The following WIPF1 variants were observed in gnomAD, a reference collection of about 807,000 sequenced individuals.
WIPF1 encodes WAS/WASL interacting protein family member 1.
WIPF1 carries 13 observed loss-of-function variants against 35.4 expected under a neutral mutation model. The ratio of observed to expected loss-of-function variants is 0.37; its 90% CI spans 0.24 to 0.58. The LOEUF is 0.58. Among genes scored for constraint, WIPF1 ranks in the 20% least tolerant of loss-of-function variants. WIPF1 has a pLI of 0.74. For synonymous variants in WIPF1, 267 were observed against 266.3 expected (o/e 1.00, Z -0.02); for missense variants, 591 against 667.0 (o/e 0.89, Z 1.25).
At chr2:174,628,553 T>G (rs932168934) in intron 1 of WIPF1, among the ~76,000 whole-genome samples, 3 of 152,204 alleles carry the variant, frequency 2.0e-5, no homozygotes, top group Non-Finnish European at 4.4e-5. Flanking sequence ...TGTGCTGTCT[T>G]CCAGGAATTA....
chr2:174,562,074 C>T lies in WIPF1; in HGVS notation c.*473G>A, dbSNP rs746207134. The T allele has an allele frequency of 1.9e-6, 3 of 1,550,610 alleles. No homozygotes were observed. On this transcript the variant is annotated 3_prime_UTR_variant, in exon 8 of 8. Coordinates refer to ENST00000679041, the MANE Select transcript of WIPF1 (RefSeq NM_001375834.1). ...CTCGGACTGCCAAAGATTGGACATC[C>T]TGTGACTGCAAGTTTCCAGTGAGCC...
chr2:174,615,207 TA>T (rs571044523), intron 1 of WIPF1, among the ~76,000 whole-genome samples: 15 of 151,518 alleles, frequency 9.9e-5, no homozygotes, highest in South Asian at 2.1e-4. Flanking sequence ...AATTTGGGCT[TA>T]AAAAAAAATA....
At chr2:174,580,298 C>T (rs990495494) in intron 3 of WIPF1, among the ~76,000 whole-genome samples, 23 of 152,136 alleles carry the variant, frequency 1.5e-4, no homozygotes, top group Non-Finnish European at 2.5e-4. Flanking sequence ...GCACTTTGCC[C>T]GGTAACAGAA....
chr2:174,614,423 A>C (rs1279849213), intron 1 of WIPF1, among the ~76,000 whole-genome samples: 3 of 152,220 alleles, frequency 2.0e-5, no homozygotes, highest in African/African-American at 4.8e-5. Flanking sequence ...AGAGAACAGT[A>C]AACGTCTGGG....
intron 1 of WIPF1, among the ~76,000 whole-genome samples, chr2:174,672,133 C>A (rs1688030944): frequency 6.6e-6 from 1 of 152,268 alleles, no homozygotes; most frequent in South Asian, 2.1e-4. Context: ...GACCAGCCAC[C>A]ACTTAGGAAA....
chr2:174,656,423 C>T (rs1312367474), intron 1 of WIPF1: 2 of 152,194 alleles, frequency 1.3e-5, no homozygotes, highest in East Asian at 3.8e-4. Context: ...CTCTAAGAAA[C>T]ACTTCTAAGG....
chr2:174,606,651 A>C (rs1426929953), intron 1 of WIPF1, among the ~76,000 whole-genome samples: 1 of 152,148 alleles, frequency 6.6e-6, no homozygotes, highest in African/African-American at 2.4e-5. Context: ...AATTCTTAGG[A>C]AGAGTTTATT....
chr2:174,621,107 A>C (rs1276831252), intron 1 of WIPF1, among the ~76,000 whole-genome samples: 1 of 152,232 alleles, frequency 6.6e-6, no homozygotes, highest in Non-Finnish European at 1.5e-5. Flanking sequence ...TTCTAATGGC[A>C]GTACGGGGAA....
intron 1 of WIPF1, among the ~76,000 whole-genome samples, chr2:174,641,262 T>C (rs1687288061): frequency 6.6e-6 from 1 of 152,220 alleles, no homozygotes; most frequent in South Asian, 2.1e-4. Flanking sequence ...GTTTACTCCA[T>C]TACTTTTCCA....
At chr2:174,565,727 G>A (rs1428305889) in intron 7 of WIPF1, among the ~76,000 whole-genome samples, 2 of 152,158 alleles carry the variant, frequency 1.3e-5, no homozygotes, top group Non-Finnish European at 2.9e-5. Context: ...TGGGGCCATC[G>A]CTAGGGGTGT....
chr2:174,681,329 G>C (rs377278963), intron 1 of WIPF1, among the ~76,000 whole-genome samples: 1 of 152,116 alleles, frequency 6.6e-6, no homozygotes, highest in Non-Finnish European at 1.5e-5. Context: ...AGCCTTGTGC[G>C]GCTGATAGGC....
chr2:174,626,872 C>T (rs765302304), intron 1 of WIPF1, among the ~76,000 whole-genome samples: 2 of 152,164 alleles, frequency 1.3e-5, no homozygotes, highest in Non-Finnish European at 2.9e-5. Flanking sequence ...CCAAAGGGAG[C>T]TGTTAAATTT....
rs1324078171 is a variant in WIPF1, at chr2:174,562,086, G to A, written c.*461C>T. The A allele has an allele frequency of 1.2e-5, 19 of 1,550,530 alleles. No homozygotes were observed. The highest frequency in any genetic ancestry group is 1.6e-5 in the Non-Finnish European group (18 of 1,147,014). ...AAGATTGGACATCCTGTGACTGCAA[G>A]TTTCCAGTGAGCCCTTACTCAGCAG... On this transcript the variant is annotated 3_prime_UTR_variant, in exon 8 of 8. Transcript: ENST00000679041.
chr2:174,670,601 A>G (rs1420406523), intron 1 of WIPF1, among the ~76,000 whole-genome samples: 2 of 152,166 alleles, frequency 1.3e-5, no homozygotes, highest in African/African-American at 2.4e-5. Flanking sequence ...GTTAGCACCA[A>G]TTTTGAGGAG....
At chr2:174,588,951 C>T (rs1574812857) in intron 1 of WIPF1, among the ~76,000 whole-genome samples, 1 of 152,174 alleles carries the variant, frequency 6.6e-6, no homozygotes, top group African/African-American at 2.4e-5. Flanking sequence ...ATTAACTGTC[C>T]CTTTCCAATC....
chr2:174,636,391 AG>A (rs1379361010), intron 1 of WIPF1, among the ~76,000 whole-genome samples: 38 of 152,288 alleles, frequency 2.5e-4, no homozygotes, highest in Non-Finnish European at 4.4e-5. Context: ...TTTATATTTC[AG>A]AACAGTTACA....
upstream of WIPF1, among the ~76,000 whole-genome samples, chr2:174,600,640 C>A (rs1685971470): frequency 6.6e-6 from 1 of 152,176 alleles, no homozygotes; most frequent in African/African-American, 2.4e-5. Context: ...CCTCATGACC[C>A]ATTTCTGCTG....
At chr2:174,625,140 A>G (rs1031163572) in intron 1 of WIPF1, among the ~76,000 whole-genome samples, 2 of 152,126 alleles carry the variant, frequency 1.3e-5, no homozygotes, top group African/African-American at 2.4e-5. Flanking sequence ...GCTGGCATCA[A>G]TGGGCTTCTG....
intron 1 of WIPF1, among the ~76,000 whole-genome samples, chr2:174,621,555 G>C (rs1238101343): frequency 6.6e-6 from 1 of 151,624 alleles, no homozygotes; most frequent in Non-Finnish European, 1.5e-5. Flanking sequence ...TATATAGGTA[G>C]AACAGCACTG....
Sources: gnomAD v4.1 joint callset for allele counts (sites outside exome capture counted in the v4.1 genomes callset) on GRCh38, gnomAD v4.1.1 for gene constraint, MANE v1.5 for transcripts, NCBI Gene and HGNC (gene_info 2026-07-23, HGNC 2026-07-21) for gene names.